Variants in ATRIP observed in about 807,000 individuals in gnomAD.
ATRIP encodes the protein ATR interacting protein.
ATRIP carries 44 observed loss-of-function variants against 78.1 expected under a neutral mutation model. The ratio of observed to expected loss-of-function variants is 0.56; its 90% confidence interval spans 0.44 to 0.72. The LOEUF (loss-of-function observed/expected upper bound fraction) is 0.72, where lower values mean the gene tolerates loss of function less well. ATRIP is among the 30% of genes least tolerant of loss of function. The pLI is 0.00. For synonymous variants in ATRIP, 388 were observed against 408.9 expected (o/e 0.95, Z 0.62); for missense variants, 927 against 980.2 (o/e 0.95, Z 0.72).
intron 2 of ATRIP, 47 bp downstream of exon 2, chr3:48,450,217 G>A (rs549456831): frequency 1.1e-5 from 18 of 1,578,202 alleles, no homozygotes; most frequent in South Asian, 6.9e-5. Context: ...ATTCACTTAC[G>A]TGTTTAAAAG....
In ATRIP at chr3:48,466,644, A is replaced by G; in HGVS notation, c.*1090A>G. On this transcript the variant is annotated 3_prime_UTR_variant, in exon 13 of 13. Coordinates refer to ENST00000320211, the MANE Select transcript of ATRIP (RefSeq NM_130384.3). Reference sequence around the variant, plus strand: ...CTCCTCTCCAGGCTCAGCAGCAGGTACGTACCCAACCATGGGCTCGCAGGC... The same window carrying G: ...CTCCTCTCCAGGCTCAGCAGCAGGTGCGTACCCAACCATGGGCTCGCAGGC... The G allele has an allele frequency of 1.9e-6, 3 of 1,613,904 alleles. No homozygotes were observed. The highest frequency in any genetic ancestry group is 2.5e-6 in the Non-Finnish European group (3 of 1,179,974).
intron 1 of ATRIP, among the ~76,000 whole-genome samples, chr3:48,447,767 G>A (rs1317788344): frequency 6.6e-6 from 1 of 152,080 alleles, no homozygotes; most frequent in Non-Finnish European, 1.5e-5. Context: ...TCATTTCCTG[G>A]AAACCCAGTC....
At chr3:48,457,467 G>C in intron 5 of ATRIP, 51 bp downstream of exon 5, 2 of 1,340,532 alleles carry the variant, frequency 1.5e-6, no homozygotes, top group Non-Finnish European at 2.0e-6. Flanking sequence ...CAAATATGTG[G>C]CTTAAAACAA....
intron 12 of ATRIP, 134 bp from the exon 13 acceptor site, chr3:48,465,352 AG>A: frequency 1.1e-6 from 1 of 943,136 alleles, no homozygotes; most frequent in East Asian, 2.6e-5. Flanking sequence ...CTTTGTTTGC[AG>A]TAGCTGAGGG....
Position 48,460,105 on chromosome 3 carries a change from G to C in ATRIP, c.1056-5G>C, listed in dbSNP as rs1328324604. 1 of 1,605,998 alleles carries C rather than the reference G, an allele frequency of 6.2e-7. No homozygotes were observed. The highest frequency in any genetic ancestry group is 8.5e-7 in the Non-Finnish European group (1 of 1,175,990). On this transcript the variant is annotated splice_region_variant and splice_polypyrimidine_tract_variant and intron_variant, in intron 7 of 12. Coordinates refer to ENST00000320211, the MANE Select transcript of ATRIP (RefSeq NM_130384.3). The stretch of plus-strand genomic sequence containing the variant: ...TAATCTATTTTTCTTTGTGTTTGTT[G>C]CCAGTACCTTGGCTGGAATGTCAGG...
At chr3:48,459,730 A>G in intron 6 of ATRIP, 57 bp from the exon 7 acceptor site, 1 of 1,589,508 alleles carries the variant, frequency 6.3e-7, no homozygotes, top group Middle Eastern at 1.7e-4. Context: ...TCCTTCTGAA[A>G]GCCACCGAAA....
At chr3:48,451,943 G>A in intron 3 of ATRIP, 44 bp downstream of exon 3, 1 of 1,542,536 alleles carries the variant, frequency 6.5e-7, no homozygotes, top group Non-Finnish European at 8.8e-7. Flanking sequence ...CCTGCCCACT[G>A]AGTTCCTTTG....
At chr3:48,453,781 T>C (rs1022642422) in intron 3 of ATRIP, among the ~76,000 whole-genome samples, 1 of 152,236 alleles carries the variant, frequency 6.6e-6, no homozygotes, top group African/African-American at 2.4e-5. Context: ...TAGGGCACCT[T>C]ACCAAGCTCT....
At chr3:48,448,487 A>G (rs1420644859) in intron 1 of ATRIP, among the ~76,000 whole-genome samples, 5 of 151,960 alleles carry the variant, frequency 3.3e-5, no homozygotes, top group African/African-American at 9.7e-5. Flanking sequence ...AGCCATGAAC[A>G]CCCCTAATGA....
chr3:48,454,852 T>C (rs2039915424), intron 4 of ATRIP, among the ~76,000 whole-genome samples: 1 of 147,252 alleles, frequency 6.8e-6, no homozygotes, highest in African/African-American at 2.4e-5. Context: ...TCAGATGTGC[T>C]CAACTTGTTT....
intron 8 of ATRIP, 127 bp from the exon 9 acceptor site, chr3:48,463,618 C>A: frequency 7.5e-7 from 1 of 1,332,818 alleles, no homozygotes; most frequent in Non-Finnish European, 1.0e-6. Flanking sequence ...AAACCCAAGT[C>A]TGGCTGAACC....
intron 2 of ATRIP, chr3:48,450,610 G>A: frequency 1.6e-6 from 1 of 631,290 alleles, no homozygotes; most frequent in South Asian, 1.8e-5. Flanking sequence ...TTTTTTTTTT[G>A]GAGATGGAGT....
rs1481633153 is a variant in ATRIP, at chr3:48,459,071, T to C, written c.830-288T>C. 4.6e-5 allele frequency among the ~76,000 whole-genome samples: 7 copies of C among 152,362 alleles called. No homozygotes were observed. The East Asian group carries it at 7.7e-4, about 17-fold the overall frequency. ...GATGCGTATAGAGCTCTTAAAACAC[T>C]GTCTAGCACGTAACAAGCACCATGT... On this transcript the variant is annotated intron_variant, in intron 5 of 12. Transcript: ENST00000320211.
At chr3:48,451,922 C>G (rs373841067) in intron 3 of ATRIP, 23 bp downstream of exon 3, 66 of 1,578,400 alleles carry the variant, frequency 4.2e-5, no homozygotes, top group Non-Finnish European at 5.2e-5. Flanking sequence ...ATTTGTTTTG[C>G]ACCAGCTTTG....
Position 48,466,129 on chromosome 3 carries a change from T to C in ATRIP, c.*575T>C. On this transcript the variant is annotated 3_prime_UTR_variant, in exon 13 of 13. Transcript: ENST00000320211. ...TCCCCCGGGAGCAGGGGAGTGGGTG[T>C]GGGGGGGAACGGATGGTGGTGAGAG... 1 of 417,104 alleles carries C rather than the reference T, an allele frequency of 2.4e-6. No individual in the cohort carries two copies. Among genetic ancestry groups the C allele is most frequent in the Non-Finnish European group, 4.5e-6 (1 of 221,260 alleles). 25.8% of individuals were successfully genotyped at this position (417,104 alleles called of 1,614,324 possible). A position where few individuals can be genotyped will look rare whatever the true frequency, so the allele number is the denominator to read the frequency against.
chr3:48,449,074 GA>G (rs1265225497), intron 1 of ATRIP, among the ~76,000 whole-genome samples: 2 of 152,158 alleles, frequency 1.3e-5, no homozygotes, highest in Admixed American at 6.5e-5. Context: ...GGAATTGGAT[GA>G]AGGATAGGGA....
chr3:48,464,381 G>A (rs2040207677), intron 10 of ATRIP, among the ~76,000 whole-genome samples: 1 of 152,188 alleles, frequency 6.6e-6, no homozygotes, highest in Non-Finnish European at 1.5e-5. Flanking sequence ...CAGAATAGGG[G>A]GCTGGAGGCA....
intron 12 of ATRIP, 146 bp downstream of exon 12, chr3:48,465,229 G>C: frequency 8.6e-7 from 1 of 1,156,204 alleles, no homozygotes; most frequent in East Asian, 2.5e-5. Context: ...TTATCTTCCT[G>C]CCTCAGTTCT....
intron 8 of ATRIP, among the ~76,000 whole-genome samples, chr3:48,461,047 G>A (rs1420115908): frequency 6.6e-6 from 1 of 152,224 alleles, no homozygotes; most frequent in Admixed American, 6.5e-5. Context: ...AAAGGAGGCT[G>A]CTAACCTCTG....
Sources: gnomAD v4.1 joint callset for allele counts (sites outside exome capture counted in the v4.1 genomes callset) on GRCh38, gnomAD v4.1.1 for gene constraint, MANE v1.5 for transcripts, NCBI Gene and HGNC (gene_info 2026-07-23, HGNC 2026-07-21) for gene names.